ARID2: variants seen among roughly 807,000 people sequenced by gnomAD.
The protein encoded by ARID2 is AT-rich interactive domain-containing protein 2.
Under a neutral mutation model 184.6 loss-of-function variants are expected in ARID2, and 32 were observed. The observed-to-expected ratio is 0.17, with a 90% CI of 0.13 to 0.23. ARID2 has a LOEUF of 0.23. Ranked by LOEUF, ARID2 falls within the 10% of genes least tolerant of loss-of-function variation. The pLI, the probability that ARID2 is intolerant of heterozygous loss-of-function variation, is 1.00. For missense variants in ARID2, 1,696 were observed against 2,197.6 expected (o/e 0.77, Z 4.56); for synonymous variants, 836 against 772.6 (o/e 1.08, Z -1.36).
At chr12:45,736,666 A>C (rs1033182701) in intron 3 of ARID2, among the ~76,000 whole-genome samples, 11 of 152,198 alleles carry the variant, frequency 7.2e-5, no homozygotes, top group African/African-American at 2.7e-4. Context: ...TGCTTTGATC[A>C]CCACAGTCTT....
chr12:45,793,093 G>A (rs912564922), intron 3 of ARID2, among the ~76,000 whole-genome samples: 1 of 152,070 alleles, frequency 6.6e-6, no homozygotes, highest in Non-Finnish European at 1.5e-5. Flanking sequence ...GAGGTCAGGA[G>A]TTCGAGACCA....
chr12:45,747,311 CTCAGTGGATTT>C (rs1342141310), intron 3 of ARID2, among the ~76,000 whole-genome samples: 1 of 151,962 alleles, frequency 6.6e-6, no homozygotes, highest in Admixed American at 6.6e-5. Flanking sequence ...AAATATTTAT[CTCAGTGGATTT>C]TTGCAACAAC....
intron 3 of ARID2, among the ~76,000 whole-genome samples, chr12:45,734,609 T>A (rs1941073367): frequency 6.6e-6 from 1 of 152,126 alleles, no homozygotes; most frequent in Non-Finnish European, 1.5e-5. Flanking sequence ...AGGGAACATT[T>A]CATTAATTGG....
intron 3 of ARID2, among the ~76,000 whole-genome samples, chr12:45,734,686 C>T (rs1037886988): frequency 3.3e-5 from 5 of 152,020 alleles, no homozygotes; most frequent in Admixed American, 3.3e-4. Context: ...AATTTATGCC[C>T]AAGTATCTCT....
In ARID2 at chr12:45,816,348, C is replaced by G. The variant is rs149269864; in HGVS notation, c.419-1322C>G. Among the ~76,000 whole-genome samples the G allele has an allele frequency of 3.9e-5, 6 of 152,114 alleles. No homozygotes were observed. The East Asian group carries it at 9.7e-4, about 24-fold the overall frequency. ...ACACTTAAGAAAATGAAAAGATAAG[C>G]CACTAACAGGGAGAAAATATGTGCA... On this transcript the variant is annotated intron_variant, in intron 4 of 20. Transcript: ENST00000334344.
chr12:45,839,703 A>G (rs1250792443), intron 11 of ARID2: 1 of 455,024 alleles, frequency 2.2e-6, no homozygotes, highest in Non-Finnish European at 3.7e-6. Flanking sequence ...GAATAGTATA[A>G]TAGGAAAATT....
At chr12:45,750,308 T>C (rs2137992842) in intron 3 of ARID2, among the ~76,000 whole-genome samples, 2 of 152,336 alleles carry the variant, frequency 1.3e-5, no homozygotes, top group South Asian at 2.1e-4. Flanking sequence ...TGCTTTCTTA[T>C]GTGGGTACAG....
chr12:45,865,637 T>C (rs1188454123), intron 16 of ARID2, among the ~76,000 whole-genome samples: 1 of 152,164 alleles, frequency 6.6e-6, no homozygotes, highest in East Asian at 1.9e-4. Flanking sequence ...ATTTAGAACT[T>C]ATGTGATTTT....
Position 45,795,445 on chromosome 12 carries a change from T to A in ARID2, c.285-15973T>A, listed in dbSNP as rs548911636. ...TCCTTTTCTTTTTCTTTTTTATTTTTTTTTTAGACGGAGTCTCGCTCTGTC... is the reference window on the plus strand; with the variant it reads ...TCCTTTTCTTTTTCTTTTTTATTTTATTTTTAGACGGAGTCTCGCTCTGTC... On this transcript the variant is annotated intron_variant, in intron 3 of 20. Coordinates refer to ENST00000334344, the MANE Select transcript of ARID2 (RefSeq NM_152641.4). 1.7e-3 allele frequency among the ~76,000 whole-genome samples: 260 copies of A among 152,308 alleles called. 1 individual carries two copies. The highest frequency in any genetic ancestry group is 5.9e-3 in the African/African-American group (247 of 41,562).
intron 3 of ARID2, among the ~76,000 whole-genome samples, chr12:45,784,226 G>T (rs1015311350): frequency 6.6e-6 from 1 of 151,676 alleles, no homozygotes; most frequent in Non-Finnish European, 1.5e-5. Flanking sequence ...TTGCTGTGTG[G>T]CCCAGACTGG....
At chr12:45,752,796 A>G (rs189850403) in intron 3 of ARID2, among the ~76,000 whole-genome samples, 10 of 152,358 alleles carry the variant, frequency 6.6e-5, no homozygotes, top group African/African-American at 2.2e-4. Flanking sequence ...GTACCAGGCC[A>G]AGGCTGATTT....
At chr12:45,881,852 G>A (rs747606389) in intron 16 of ARID2, 5 of 224,296 alleles carry the variant, frequency 2.2e-5, no homozygotes, top group African/African-American at 4.7e-5. Flanking sequence ...TGAACTTCTC[G>A]CCAACTCTGG....
At chr12:45,897,130 A>G (rs543570437) in intron 20 of ARID2, among the ~76,000 whole-genome samples, 2 of 152,356 alleles carry the variant, frequency 1.3e-5, no homozygotes, top group East Asian at 3.9e-4. Context: ...AAGTCCTCAC[A>G]TATTTGGTCA....
At chr12:45,871,125 T>G (rs1389977308) in intron 16 of ARID2, among the ~76,000 whole-genome samples, 1 of 152,204 alleles carries the variant, frequency 6.6e-6, no homozygotes, top group African/African-American at 2.4e-5. Context: ...CAACATTTAG[T>G]TTTGTCAGTG....
intron 16 of ARID2, among the ~76,000 whole-genome samples, chr12:45,884,232 C>G (rs1336968055): frequency 6.6e-6 from 1 of 152,068 alleles, no homozygotes; most frequent in African/African-American, 2.4e-5. Context: ...CCCATCTCTA[C>G]TAAAAATACA....
chr12:45,885,573 A>C (rs1032677161), intron 16 of ARID2, among the ~76,000 whole-genome samples: 5 of 152,210 alleles, frequency 3.3e-5, no homozygotes, highest in African/African-American at 1.2e-4. Flanking sequence ...TCCAAATGAA[A>C]CTATCTGTAT....
In ARID2 at chr12:45,892,095, A is replaced by G. The variant is rs1304184157; in HGVS notation, c.5146A>G (p.Lys1716Glu). The G allele has an allele frequency of 1.9e-6, 3 of 1,612,382 alleles. No individual in the cohort carries two copies. The highest frequency in any genetic ancestry group is 2.5e-6 in the Non-Finnish European group (3 of 1,179,350). ...AGCAGGAAGTCAGAAGTCTTCTACCAAGTAAGGAAAATGAGTTTACTTCCT... is the reference window on the plus strand; with the variant it reads ...AGCAGGAAGTCAGAAGTCTTCTACCGAGTAAGGAAAATGAGTTTACTTCCT... Reference protein sequence around the residue: ...GQAGSQKSSTKQPTVGGTSST... With the variant: ...GQAGSQKSSTEQPTVGGTSST... The change falls in exon 18 of 21, where the codon AAG (lysine) becomes GAG (glutamate). Residue 1716 changes from lysine (K) to glutamate (E), a missense_variant and splice_region_variant. Coordinates refer to ENST00000334344, the MANE Select transcript of ARID2 (RefSeq NM_152641.4).
In ARID2 at chr12:45,729,875, G is replaced by A. The variant is rs2137958824; in HGVS notation, c.39G>A (p.Arg13=). ...CGGGGAAGGCGCCTCCGGACGAGCG[G>A]AGAAAGGGACTCGCTTTCCTGGACG... is the stretch of plus-strand genomic sequence containing the variant. ...NSTGKAPPDE[R]RKGLAFLDEL... The change falls in exon 1 of 21, where the codon CGG becomes CGA. Residue 13 remains arginine, a synonymous_variant. Transcript: ENST00000334344. The A allele has an allele frequency of 1.9e-6, 3 of 1,611,798 alleles. No individual in the cohort carries two copies. Among genetic ancestry groups the A allele is most frequent in the Non-Finnish European group, 2.5e-6 (3 of 1,179,240 alleles).
intron 16 of ARID2, among the ~76,000 whole-genome samples, chr12:45,878,800 C>A (rs1208934836): frequency 6.6e-6 from 1 of 151,972 alleles, no homozygotes; most frequent in Admixed American, 6.6e-5. Context: ...ATACTTTTGG[C>A]GTGCCTTGTC....
Sources: gnomAD v4.1 joint callset for allele counts (sites outside exome capture counted in the v4.1 genomes callset) on GRCh38, gnomAD v4.1.1 for gene constraint, MANE v1.5 for transcripts, NCBI Gene and HGNC (gene_info 2026-07-23, HGNC 2026-07-21) for gene names.